SYTL3: variants seen among roughly 807,000 people sequenced by gnomAD.
SYTL3 encodes the protein synaptotagmin like 3.
Under a neutral mutation model 82.1 loss-of-function variants are expected in SYTL3, and 88 were observed. The observed-to-expected ratio is 1.07, with a 90% CI of 0.90 to 1.28. SYTL3 has a LOEUF of 1.28. SYTL3 is among the 50% of genes most tolerant of loss of function. The probability of loss-of-function intolerance (pLI) is 0.00; values close to 1 mark genes in which losing one functional copy is unlikely to be tolerated. For missense variants in SYTL3, 831 were observed against 757.6 expected, an observed-to-expected ratio of 1.10 and a Z score of -1.14; for synonymous variants, 311 against 289.4, an observed-to-expected ratio of 1.07 and a Z score of -0.76.
chr6:158,694,440 G>T (rs1780346779), intron 6 of SYTL3, among the ~76,000 whole-genome samples: 1 of 151,872 alleles, frequency 6.6e-6, no homozygotes, highest in Non-Finnish European at 1.5e-5. Context: ...GACCACAGGT[G>T]CACACCACCA....
At chr6:158,756,719 ATTTTTTT>A (rs758259824) in intron 13 of SYTL3, among the ~76,000 whole-genome samples, 2 of 48,566 alleles carry the variant, frequency 4.1e-5, no homozygotes, top group African/African-American at 1.9e-4. Flanking sequence ...TCAAAAAAAA[ATTTTTTT>A]TTTTTTTTTT....
intron 5 of SYTL3, among the ~76,000 whole-genome samples, chr6:158,678,938 C>G (rs953499013): frequency 6.6e-6 from 1 of 152,174 alleles, no homozygotes; most frequent in Non-Finnish European, 1.5e-5. Flanking sequence ...GATTTAATCA[C>G]CTGGGAAGAA....
chr6:158,671,084 G>A (rs956295041), intron 5 of SYTL3, among the ~76,000 whole-genome samples: 18 of 151,990 alleles, frequency 1.2e-4, no homozygotes, highest in African/African-American at 4.1e-4. Context: ...GATTACAGGC[G>A]TGAGCCACGG....
At chr6:158,715,985 C>T (rs1335817296) in intron 9 of SYTL3, among the ~76,000 whole-genome samples, 2 of 152,108 alleles carry the variant, frequency 1.3e-5, no homozygotes, top group Non-Finnish European at 2.9e-5. Flanking sequence ...GTAGAGGGCC[C>T]CAGACTCTTC....
chr6:158,666,755 C>T (rs367846008), intron 5 of SYTL3, among the ~76,000 whole-genome samples: 11 of 152,300 alleles, frequency 7.2e-5, no homozygotes, highest in East Asian at 3.9e-4. Context: ...GTTTAACGCA[C>T]GCCCTGGCAT....
In SYTL3 at chr6:158,663,248, G is replaced by A. The variant is rs1450199356; in HGVS notation, c.-21G>A. The A allele has an allele frequency of 6.2e-7, 1 of 1,613,040 alleles. No individual in the cohort carries two copies. Among genetic ancestry groups the A allele is most frequent in the Non-Finnish European group, 8.5e-7 (1 of 1,179,138 alleles). On this transcript the variant is annotated 5_prime_UTR_variant, in exon 4 of 18. Transcript: ENST00000611299. ...ATGCAGTGAAGCTCTTCCAACCTGG[G>A]TCAACGAAAACGGAGAAGAAATGGC...
At chr6:158,705,590 CAGTG>C (rs1391738190) in intron 6 of SYTL3, among the ~76,000 whole-genome samples, 1 of 141,276 alleles carries the variant, frequency 7.1e-6, no homozygotes, top group African/African-American at 2.7e-5. Flanking sequence ...GGCAGGGTAA[CAGTG>C]AGATCTGGAA....
chr6:158,650,331 A>G (rs781252477), intron 1 of SYTL3, among the ~76,000 whole-genome samples: 8 of 152,130 alleles, frequency 5.3e-5, no homozygotes, highest in Non-Finnish European at 1.0e-4. Flanking sequence ...CCAAAACAAA[A>G]CAGAAAAACA....
chr6:158,717,076 G>C (rs1003026391), intron 9 of SYTL3, among the ~76,000 whole-genome samples: 1 of 152,168 alleles, frequency 6.6e-6, no homozygotes, highest in African/African-American at 2.4e-5. Flanking sequence ...GAGCTCAGGA[G>C]TTCGAGACCA....
At chr6:158,672,605 T>G (rs1366399109) in intron 5 of SYTL3, among the ~76,000 whole-genome samples, 1 of 150,262 alleles carries the variant, frequency 6.7e-6, no homozygotes, top group East Asian at 2.0e-4. Context: ...TTTTAAAACT[T>G]TTTATTTAGT....
intron 8 of SYTL3, among the ~76,000 whole-genome samples, chr6:158,711,957 C>G (rs1782810774): frequency 6.6e-6 from 1 of 152,178 alleles, no homozygotes; most frequent in Non-Finnish European, 1.5e-5. Context: ...GGGCTGACCT[C>G]CCATCTCATC....
intron 5 of SYTL3, among the ~76,000 whole-genome samples, chr6:158,674,098 A>AATAATAATAAT (rs58701942): frequency 0.15 from 21,443 of 138,350 alleles, 2,377 homozygotes; most frequent in East Asian, 0.6. Flanking sequence ...TAATAATAAT[A>AATAATAATAAT]ATAATAATAA....
intron 6 of SYTL3, among the ~76,000 whole-genome samples, chr6:158,698,183 G>A (rs1249416670): frequency 6.6e-6 from 1 of 152,096 alleles, no homozygotes; most frequent in Admixed American, 6.6e-5. Context: ...GATCACTTGA[G>A]GTCAGGAATT....
At chr6:158,685,540 C>T (rs539618139) in intron 6 of SYTL3, among the ~76,000 whole-genome samples, 10 of 150,824 alleles carry the variant, frequency 6.6e-5, no homozygotes, top group East Asian at 2.0e-4. Flanking sequence ...CTTTTTTGAC[C>T]GGGCCCGGTG....
chr6:158,683,056 A>T (rs889074251), intron 6 of SYTL3, 67 bp downstream of exon 6: 2 of 1,209,888 alleles, frequency 1.7e-6, no homozygotes. Context: ...ATTTGATGTT[A>T]AGACTTTGGA....
intron 11 of SYTL3, among the ~76,000 whole-genome samples, chr6:158,744,068 G>A (rs778500856): frequency 2.6e-5 from 4 of 151,446 alleles, no homozygotes; most frequent in African/African-American, 4.9e-5. Flanking sequence ...ACAGGTACGC[G>A]CCACTTGCCT....
At chr6:158,709,349 G>C (rs1362976127) in intron 8 of SYTL3, among the ~76,000 whole-genome samples, 1 of 152,190 alleles carries the variant, frequency 6.6e-6, no homozygotes, top group Non-Finnish European at 1.5e-5. Flanking sequence ...ATCATTTAAT[G>C]CAGAGCCTAT....
rs758149291 is a variant in SYTL3 at position 158,764,483 on chromosome 6, CCT to C, written c.1724-7_1724-6del. 1.4e-5 allele frequency: 23 copies of C among 1,603,856 alleles called. No individual in the cohort carries two copies. The highest frequency in any genetic ancestry group is 1.4e-4 in the South Asian group (13 of 90,852). ...TCCCCGACCATGGCTAAATTGTCTTCCTCTCTTACAGAGGGAGACACAGCTGT... is the reference window on the plus strand; with the variant it reads ...TCCCCGACCATGGCTAAATTGTCTTCCTCTTACAGAGGGAGACACAGCTGT... On this transcript the variant is annotated splice_polypyrimidine_tract_variant and intron_variant, in intron 17 of 17. Coordinates refer to ENST00000611299, the MANE Select transcript of SYTL3 (RefSeq NM_001242394.2).
chr6:158,717,266 T>A (rs1473362621), intron 9 of SYTL3, among the ~76,000 whole-genome samples: 3 of 151,812 alleles, frequency 2.0e-5, no homozygotes, highest in African/African-American at 7.3e-5. Flanking sequence ...AGAGTGAGAC[T>A]CTATTTCAAA....
Sources: allele counts gnomAD v4.1 joint callset (sites outside exome capture counted in the v4.1 genomes callset), GRCh38; gene constraint gnomAD v4.1.1; transcripts MANE v1.5; gene names NCBI Gene and HGNC (gene_info 2026-07-23, HGNC 2026-07-21).